The following PTPRJ variants were observed in gnomAD, a reference collection of about 807,000 sequenced individuals.
PTPRJ encodes receptor-type tyrosine-protein phosphatase eta.
PTPRJ carries 129 observed loss-of-function variants against 141.3 expected under a neutral mutation model. That is an observed-to-expected ratio of 0.91 (90% CI 0.79 to 1.06). The LOEUF is 1.06. PTPRJ is among the 50% of genes least tolerant of loss of function. The probability of loss-of-function intolerance (pLI) is 0.00; values close to 1 mark genes in which losing one functional copy is unlikely to be tolerated. For synonymous variants in PTPRJ, 610 were observed against 640.5 expected (o/e 0.95, Z 0.72); for missense variants, 1,601 against 1,679.7 (o/e 0.95, Z 0.82).
At chr11:48,123,505 T>C in intron 4 of PTPRJ, 108 bp from the exon 5 acceptor site, 1 of 1,177,258 alleles carries the variant, frequency 8.5e-7, no homozygotes, top group Non-Finnish European at 1.2e-6. Flanking sequence ...CAGTCATTCT[T>C]TCTTTTTTTC....
chr11:48,056,869 G>A (rs1043063738), intron 1 of PTPRJ, among the ~76,000 whole-genome samples: 3 of 152,178 alleles, frequency 2.0e-5, no homozygotes, highest in Non-Finnish European at 4.4e-5. Context: ...CAGGAGAATC[G>A]CTTGACTCCG....
rs150975147 is a variant in PTPRJ at position 48,107,346 on chromosome 11, G to A, written c.97-2712G>A. Among the ~76,000 whole-genome samples, 4 of 152,268 alleles carry A rather than the reference G, an allele frequency of 2.6e-5. No individual in the cohort carries two copies. The East Asian group carries it at 7.7e-4, about 29-fold the overall frequency. On this transcript the variant is annotated intron_variant, in intron 1 of 24. Coordinates refer to ENST00000418331, the MANE Select transcript of PTPRJ (RefSeq NM_002843.4). ...CCATCTCTAGGGCAGTTCTAGCAATGAACAAGGCTGGAAGGCTCACCGGCG... is the reference window on the plus strand; with the variant it reads ...CCATCTCTAGGGCAGTTCTAGCAATAAACAAGGCTGGAAGGCTCACCGGCG...
intron 1 of PTPRJ, among the ~76,000 whole-genome samples, chr11:48,018,470 G>C (rs1409884289): frequency 6.6e-6 from 1 of 152,176 alleles, no homozygotes; most frequent in African/African-American, 2.4e-5. Context: ...GGGATTCCAG[G>C]AGACCGAGGT....
intron 1 of PTPRJ, among the ~76,000 whole-genome samples, chr11:47,995,766 G>A (rs1333794569): frequency 2.0e-5 from 3 of 152,214 alleles, no homozygotes; most frequent in African/African-American, 7.2e-5. Context: ...GGGGTCAGGC[G>A]TGGTGGCTCA....
At position 48,097,783 on chromosome 11, in the gene PTPRJ, C is replaced by T. The variant is rs1033508246; in HGVS notation, c.97-12275C>T. 3.9e-5 allele frequency among the ~76,000 whole-genome samples: 6 copies of T among 152,302 alleles called. No individual in the cohort carries two copies. The East Asian group carries it at 5.8e-4, about 15-fold the overall frequency. On this transcript the variant is annotated intron_variant, in intron 1 of 24. Coordinates refer to ENST00000418331, the MANE Select transcript of PTPRJ (RefSeq NM_002843.4). The stretch of plus-strand genomic sequence containing the variant: ...CAAACTCCTGAGCTCAGGCAATCCC[C>T]AGCCTCAGCCCCCCAAAGTGCTAGG...
chr11:48,005,869 G>A (rs1384930453), intron 1 of PTPRJ, among the ~76,000 whole-genome samples: 1 of 152,140 alleles, frequency 6.6e-6, no homozygotes, highest in African/African-American at 2.4e-5. Flanking sequence ...TTTTGCAGAT[G>A]AGGGCACTCA....
intron 4 of PTPRJ, 124 bp downstream of exon 4, chr11:48,121,390 AG>A: frequency 1.9e-6 from 2 of 1,078,722 alleles, no homozygotes; most frequent in South Asian, 3.2e-5. Flanking sequence ...AGAGGAGAAA[AG>A]GTGCTATGTT....
intron 1 of PTPRJ, among the ~76,000 whole-genome samples, chr11:48,098,175 G>A (rs889929532): frequency 7.2e-5 from 11 of 152,190 alleles, no homozygotes; most frequent in Non-Finnish European, 1.6e-4. Context: ...AAGAGGCCAG[G>A]CCAGCTCTGT....
intron 1 of PTPRJ, among the ~76,000 whole-genome samples, chr11:48,099,317 A>G (rs1215151452): frequency 8.5e-5 from 13 of 152,270 alleles, no homozygotes; most frequent in Non-Finnish European, 1.5e-5. Context: ...GGAGAAAACA[A>G]AATCTACAAA....
chr11:48,159,841 G>A (rs1857719199), intron 21 of PTPRJ, 89 bp from the exon 22 acceptor site: 2 of 1,529,168 alleles, frequency 1.3e-6, no homozygotes, highest in African/African-American at 1.4e-5. Flanking sequence ...TCTGATGCCA[G>A]TTTTCAATAG....
At chr11:48,023,099 C>T (rs1320120823) in intron 1 of PTPRJ, among the ~76,000 whole-genome samples, 1 of 152,032 alleles carries the variant, frequency 6.6e-6, no homozygotes, top group Non-Finnish European at 1.5e-5. Flanking sequence ...GTGTCAAGAT[C>T]CTTATTTGGA....
chr11:48,166,891 GT>G (rs2134392171), intron 24 of PTPRJ, among the ~76,000 whole-genome samples: 2 of 152,306 alleles, frequency 1.3e-5, no homozygotes, highest in South Asian at 4.1e-4. Flanking sequence ...TCGAATGTGT[GT>G]GTGCATTTTT....
intron 6 of PTPRJ, among the ~76,000 whole-genome samples, chr11:48,127,149 C>A (rs1485826184): frequency 6.6e-6 from 1 of 152,080 alleles, no homozygotes. Flanking sequence ...TGTGGCAAGA[C>A]CCCCCATGAT....
intron 18 of PTPRJ, 53 bp from the exon 19 acceptor site, chr11:48,153,743 T>G (rs1857538219): frequency 8.2e-7 from 1 of 1,214,112 alleles, no homozygotes; most frequent in African/African-American, 1.5e-5. Context: ...ATGCTAAATA[T>G]GAATAATATT....
rs1425845720 is a variant in PTPRJ, at chr11:48,075,310, AT to A, written c.97-34743del. ...AGGGGCCCGCTACCACGCCCAGCTA[AT>A]TTTTGTATTTTGAGCATGTTGGCCA... On this transcript the variant is annotated intron_variant, in intron 1 of 24. Transcript: ENST00000418331. Among the ~76,000 whole-genome samples, 9 of 152,002 alleles carry A rather than the reference AT, an allele frequency of 5.9e-5. No individual in the cohort carries two copies. The South Asian group carries it at 1.7e-3, about 28-fold the overall frequency.
chr11:48,132,973 T>C (rs1447005403), intron 8 of PTPRJ, among the ~76,000 whole-genome samples: 2 of 152,214 alleles, frequency 1.3e-5, no homozygotes, highest in Non-Finnish European at 2.9e-5. Context: ...ATGTGGATAA[T>C]GGTAAGAGGA....
rs1188743903 is a variant in PTPRJ, at chr11:48,098,669, C to T, written c.97-11389C>T. On this transcript the variant is annotated intron_variant, in intron 1 of 24. Transcript: ENST00000418331. ...CTGTGTAGCTGGGACTACAGGCACG[C>T]GCCACCATGCCCGGCTAATTTTTGT... Among the ~76,000 whole-genome samples the T allele has an allele frequency of 3.3e-5, 2 of 61,052 alleles. 1 individual carries two copies. Among genetic ancestry groups the T allele is most frequent in the African/African-American group, 7.5e-5 (2 of 26,538 alleles). 40.1% of individuals were successfully genotyped at this position (61,052 alleles called of 152,430 possible). A position where few individuals can be genotyped will look rare whatever the true frequency, so the allele number is the denominator to read the frequency against.
intron 12 of PTPRJ, among the ~76,000 whole-genome samples, chr11:48,143,521 A>G (rs906975302): frequency 5.3e-5 from 8 of 152,338 alleles, no homozygotes; most frequent in African/African-American, 1.9e-4. Flanking sequence ...ACACACGTAC[A>G]CACATGCCAT....
chr11:48,115,095 G>T (rs1386876821), intron 3 of PTPRJ, among the ~76,000 whole-genome samples: 1 of 152,178 alleles, frequency 6.6e-6, no homozygotes, highest in Non-Finnish European at 1.5e-5. Context: ...TTGAATTGGA[G>T]TTCATCTAGG....
Sources: gnomAD v4.1 joint callset for allele counts (sites outside exome capture counted in the v4.1 genomes callset) on GRCh38, gnomAD v4.1.1 for gene constraint, MANE v1.5 for transcripts, NCBI Gene and HGNC (gene_info 2026-07-23, HGNC 2026-07-21) for gene names.